The following OTOA variants were observed in gnomAD, a reference collection of about 807,000 sequenced individuals.
OTOA encodes the protein otoancorin.
A neutral mutation model predicts 110.8 loss-of-function variants in OTOA; 70 were observed. The ratio of observed to expected loss-of-function variants is 0.63; its 90% CI spans 0.52 to 0.77. OTOA has a LOEUF of 0.77. Among genes scored for constraint, OTOA ranks in the 30% least tolerant of loss-of-function variants. OTOA has a pLI of 0.00. For missense variants in OTOA, 917 were observed against 1,075.8 expected (o/e 0.85, Z 2.06); for synonymous variants, 373 against 431.5 (o/e 0.86, Z 1.68).
chr16:21,705,213 A>T lies in OTOA; in HGVS notation c.1025A>T (p.Asp342Val), dbSNP rs1060499804. 1 of 1,614,132 alleles carries T rather than the reference A, an allele frequency of 6.2e-7. No individual in the cohort carries two copies. Among genetic ancestry groups the T allele is most frequent in the Middle Eastern group, 1.7e-4 (1 of 6,058 alleles). Residue 342 changes from aspartate (D) to valine (V), a missense_variant, in exon 12 of 29, where the codon GAT becomes GTT. Coordinates refer to ENST00000646100, the MANE Select transcript of OTOA (RefSeq NM_144672.4). ...VCFYNDLELL[D>V]ATVAQVLLYQ... The stretch of plus-strand genomic sequence containing the variant: ...TTCTACAATGACCTGGAATTGCTGG[A>T]TGCCACTGTGGCTCAAGTCCTGCTT...
intron 9 of OTOA, among the ~76,000 whole-genome samples, chr16:21,692,574 C>T (rs967693727): frequency 3.9e-5 from 6 of 152,088 alleles, no homozygotes; most frequent in East Asian, 1.9e-4. Context: ...CTGGTAGTGA[C>T]GGTTGCACAA....
intron 8 of OTOA, 81 bp from the exon 9 acceptor site, chr16:21,691,503 C>G: frequency 8.6e-7 from 1 of 1,165,440 alleles, no homozygotes; most frequent in Non-Finnish European, 1.3e-6. Flanking sequence ...AGCTTTGGGT[C>G]ACATTTGCTG....
chr16:21,672,705 G>C (rs1003665263), intron 1 of OTOA, among the ~76,000 whole-genome samples: 1 of 151,794 alleles, frequency 6.6e-6, no homozygotes, highest in Non-Finnish European at 1.5e-5. Flanking sequence ...ATAATGTATG[G>C]TGATCAGTCA....
At position 21,715,101 on chromosome 16, in the gene OTOA, C is replaced by A. The variant is rs151328702; in HGVS notation, c.1437C>A (p.Ser479=). The A allele has an allele frequency of 6.2e-7, 1 of 1,614,208 alleles. No homozygotes were observed. The highest frequency in any genetic ancestry group is 8.5e-7 in the Non-Finnish European group (1 of 1,180,030). ...CGCAGGTCCTGAGAAGTGCCGTCTC[C>A]CAGTATGTATCCGACTTGTCACCTG... is the stretch of plus-strand genomic sequence containing the variant. The part of the protein sequence containing the change: ...DISQVLRSAV[S]QYVSDLSPAQ... The change falls in exon 14 of 29, where the codon TCC becomes TCA. Residue 479 remains serine, a synonymous_variant. Transcript: ENST00000646100.
intron 1 of OTOA, among the ~76,000 whole-genome samples, chr16:21,667,652 A>G (rs1354483588): frequency 6.6e-6 from 1 of 151,948 alleles, no homozygotes; most frequent in Admixed American, 6.6e-5. Flanking sequence ...AGGGCTGGCA[A>G]GCTTTTTCAG....
intron 13 of OTOA, among the ~76,000 whole-genome samples, chr16:21,710,913 G>A (rs1467763094): frequency 2.0e-5 from 3 of 152,160 alleles, no homozygotes; most frequent in Admixed American, 2.0e-4. Flanking sequence ...TGAGGCAGGA[G>A]GATGGCTTGA....
intron 23 of OTOA, among the ~76,000 whole-genome samples, chr16:21,744,501 TATC>T (rs1899594744): frequency 7.6e-6 from 1 of 132,420 alleles, no homozygotes; most frequent in African/African-American, 2.6e-5. Flanking sequence ...TATAACAAAA[TATC>T]ATAGACTGGT....
intron 6 of OTOA, among the ~76,000 whole-genome samples, chr16:21,683,544 A>G (rs1966934337): frequency 6.6e-6 from 1 of 151,840 alleles, no homozygotes; most frequent in African/African-American, 2.4e-5. Flanking sequence ...ACAAACAAAC[A>G]AACAAACAAA....
chr16:21,709,327 T>G (rs536284161), intron 12 of OTOA, among the ~76,000 whole-genome samples: 2 of 152,080 alleles, frequency 1.3e-5, no homozygotes, highest in East Asian at 3.9e-4. Flanking sequence ...CTCAGAAGAC[T>G]GAGGCAGGAG....
rs767303376 is a variant in OTOA at position 21,724,926 on chromosome 16, G to A, written c.1881-1597G>A. On this transcript the variant is annotated intron_variant, in intron 18 of 28. Transcript: ENST00000646100. ...CCAGTAGCTGGGATTACAGGTGTGCGCCACCACGCCTGGCTAATTTTTGTA... is the reference window on the plus strand; with the variant it reads ...CCAGTAGCTGGGATTACAGGTGTGCACCACCACGCCTGGCTAATTTTTGTA... Among the ~76,000 whole-genome samples, 33 of 151,936 alleles carry A rather than the reference G, an allele frequency of 2.2e-4. 2 individuals carry two copies. The highest frequency in any genetic ancestry group is 7.0e-4 in the African/African-American group (29 of 41,320).
rs761937183 is a variant in OTOA, at chr16:21,685,272, C to G, written c.310C>G (p.Gln104Glu). 1.1e-5 allele frequency: 18 copies of G among 1,613,104 alleles called. No homozygotes were observed. The highest frequency in any genetic ancestry group is 1.4e-5 in the Non-Finnish European group (16 of 1,179,414). Reference protein sequence around the residue: ...NHLEQRLHQPQKLLEDLRKTD... With the variant: ...NHLEQRLHQPEKLLEDLRKTD... ...CCTGGAGCAGCGTCTGCACCAGCCC[C>G]AGAAGCTGCTGGAGGACCTGAGGAA... Residue 104 changes from glutamine (Q) to glutamate (E), a missense_variant, in exon 7 of 29, where the codon CAG becomes GAG. Physicochemically the swap from Gln to Glu is conservative, Grantham distance 29. Transcript: ENST00000646100.
At chr16:21,716,427 C>T (rs947881838) in intron 14 of OTOA, among the ~76,000 whole-genome samples, 10 of 152,054 alleles carry the variant, frequency 6.6e-5, no homozygotes, top group African/African-American at 2.2e-4. Flanking sequence ...AAAAATTAGC[C>T]GGGTGTGGTA....
intron 5 of OTOA, among the ~76,000 whole-genome samples, 174 bp downstream of exon 5, chr16:21,679,385 A>T (rs1397162396): frequency 6.6e-6 from 1 of 151,780 alleles, no homozygotes; most frequent in Non-Finnish European, 1.5e-5. Flanking sequence ...ATTCCTCCTC[A>T]CTCTAGCATA....
intron 28 of OTOA, among the ~76,000 whole-genome samples, chr16:21,757,615 C>CTATTAT (rs557683434): frequency 1.3e-5 from 2 of 149,864 alleles, no homozygotes; most frequent in African/African-American, 5.0e-5. Context: ...TAATAATGAA[C>CTATTAT]TATTATTATT....
intron 8 of OTOA, among the ~76,000 whole-genome samples, chr16:21,690,649 G>GTGCA (rs1897810983): frequency 6.6e-6 from 1 of 152,050 alleles, no homozygotes; most frequent in Non-Finnish European, 1.5e-5. Context: ...GTGCTGCAAT[G>GTGCA]ATCATGTGTG....
intron 20 of OTOA, 91 bp from the exon 21 acceptor site, chr16:21,730,746 T>C: frequency 1.0e-6 from 1 of 962,616 alleles, no homozygotes; most frequent in Non-Finnish European, 1.6e-6. Flanking sequence ...TAAGACAATC[T>C]ATTCCTGAAA....
intron 28 of OTOA, among the ~76,000 whole-genome samples, chr16:21,757,979 G>C (rs570267140): frequency 6.6e-6 from 1 of 152,190 alleles, no homozygotes; most frequent in Non-Finnish European, 1.5e-5. Flanking sequence ...CAAGTCCGCA[G>C]TAGGGGCTGG....
chr16:21,667,354 TA>T (rs2141643444), intron 1 of OTOA, among the ~76,000 whole-genome samples: 1 of 152,326 alleles, frequency 6.6e-6, no homozygotes, highest in East Asian at 1.9e-4. Flanking sequence ...AAATCTGTAT[TA>T]AAGAATGCTG....
Position 21,675,339 on chromosome 16 carries a change from T to G in OTOA, c.-4-3172T>G, listed in dbSNP as rs192541193. Among the ~76,000 whole-genome samples, 41 of 92,244 alleles carry G rather than the reference T, an allele frequency of 4.4e-4. 1 individual carries two copies. Among genetic ancestry groups the G allele is most frequent in the East Asian group, 2.8e-3 (10 of 3,532 alleles). 60.5% of individuals were successfully genotyped at this position (92,244 alleles called of 152,430 possible). On this transcript the variant is annotated intron_variant, in intron 1 of 28. Coordinates refer to ENST00000646100, the MANE Select transcript of OTOA (RefSeq NM_144672.4). ...TTTTTTTTTTTTTTTTTTTTTTTTATAGAGATGGGGCTTCACCATGTTGGC... is the reference window on the plus strand; with the variant it reads ...TTTTTTTTTTTTTTTTTTTTTTTTAGAGAGATGGGGCTTCACCATGTTGGC...
Sources: allele counts gnomAD v4.1 joint callset (sites outside exome capture counted in the v4.1 genomes callset), GRCh38; gene constraint gnomAD v4.1.1; transcripts MANE v1.5; gene names NCBI Gene and HGNC (gene_info 2026-07-23, HGNC 2026-07-21).